CCNB1IP1: variants seen among roughly 807,000 people sequenced by gnomAD.
The protein encoded by CCNB1IP1 is E3 ubiquitin-protein ligase CCNB1IP1.
In CCNB1IP1, 14 loss-of-function variants were observed where a neutral mutation model predicts 25.6. That is an observed-to-expected ratio of 0.55 (90% CI 0.36 to 0.85). CCNB1IP1 has a LOEUF of 0.85. Among genes scored for constraint, CCNB1IP1 ranks in the 40% least tolerant of loss-of-function variants. The pLI is 0.01. For missense variants in CCNB1IP1, 278 were observed against 342.4 expected, an observed-to-expected ratio of 0.81 and a Z score of 1.48; for synonymous variants, 119 against 116.1, an observed-to-expected ratio of 1.02 and a Z score of -0.16.
intron 5 of CCNB1IP1, among the ~76,000 whole-genome samples, chr14:20,314,888 G>C (rs1464638490): frequency 6.6e-6 from 1 of 151,142 alleles, no homozygotes; most frequent in Non-Finnish European, 1.5e-5. Flanking sequence ...TCAGGAGATC[G>C]AGACCATCCT....
intron 2 of CCNB1IP1, among the ~76,000 whole-genome samples, chr14:20,327,894 T>C (rs1388795645): frequency 1.3e-5 from 2 of 152,194 alleles, no homozygotes; most frequent in African/African-American, 4.8e-5. Context: ...TAAAGTTGCA[T>C]GTCCAATAAG....
rs372430614 is a variant in CCNB1IP1 at position 20,313,540 on chromosome 14, T to C, written c.559A>G (p.Thr187Ala). Residue 187 changes from threonine to alanine, a missense_variant, in exon 6 of 7, where the codon ACT (threonine) becomes GCT (alanine). Physicochemically the swap from Thr to Ala is moderately conservative, Grantham distance 58. Transcript: ENST00000358932. ...LYDSLRLRNI[T>A]IANHEGTLEP... ...AGGGTGCCTTCATGGTTAGCAATAG[T>C]GATGTTTCGTAGCCTAAGGCTATCA... 1.4e-3 allele frequency: 2,321 copies of C among 1,614,130 alleles called. 40 individuals carry two copies. In the South Asian group the frequency reaches 0.024, roughly 17 times the overall value.
At chr14:20,320,412 C>T (rs1882853236) in intron 4 of CCNB1IP1, 1 of 443,150 alleles carries the variant, frequency 2.3e-6, no homozygotes, top group African/African-American at 2.0e-5. Context: ...ATTTACCATG[C>T]AAGGGATACA....
intron 4 of CCNB1IP1, among the ~76,000 whole-genome samples, chr14:20,319,433 T>C (rs1882822520): frequency 6.6e-6 from 1 of 152,244 alleles, no homozygotes. Flanking sequence ...TGGTTTTAAC[T>C]ATGCCAAATG....
intron 1 of CCNB1IP1, among the ~76,000 whole-genome samples, chr14:20,332,026 A>ACATATATATATATATT (rs1883262581): frequency 2.5e-5 from 1 of 40,750 alleles, no homozygotes; most frequent in African/African-American, 8.7e-5. Context: ...ATATATATAT[A>ACATATATATATATATT]TTTTTTTTTT....
At chr14:20,331,251 A>T (rs1479248006) in intron 1 of CCNB1IP1, among the ~76,000 whole-genome samples, 1 of 152,208 alleles carries the variant, frequency 6.6e-6, no homozygotes, top group Non-Finnish European at 1.5e-5. Context: ...GCCCCTGTGA[A>T]TACAAAGATG....
intron 4 of CCNB1IP1, chr14:20,320,388 C>T (rs554751805): frequency 2.2e-6 from 1 of 453,532 alleles, no homozygotes; most frequent in Non-Finnish European, 4.4e-6. Context: ...TAGTCTGTAA[C>T]ATTCCTAGGT....
intron 1 of CCNB1IP1, among the ~76,000 whole-genome samples, chr14:20,331,398 C>A (rs1033877512): frequency 5.9e-5 from 9 of 152,158 alleles, no homozygotes; most frequent in African/African-American, 2.2e-4. Flanking sequence ...ATTTTCCTTT[C>A]GGTAGAAAAT....
Position 20,311,545 on chromosome 14 carries a change from G to A in CCNB1IP1, c.*5C>T, listed in dbSNP as rs752291377. On this transcript the variant is annotated 3_prime_UTR_variant, in exon 7 of 7. Transcript: ENST00000358932. ...GGATCACAGGTGCGTGACACTATGCGTGGCTCAAATTCTTTTTACTTTGAA... is the reference window on the plus strand; with the variant it reads ...GGATCACAGGTGCGTGACACTATGCATGGCTCAAATTCTTTTTACTTTGAA... The A allele has an allele frequency of 8.7e-6, 14 of 1,611,246 alleles. No individual in the cohort carries two copies. The highest frequency in any genetic ancestry group is 3.3e-5 in the South Asian group (3 of 90,986).
At chr14:20,317,429 T>G (rs1594276977) in intron 4 of CCNB1IP1, among the ~76,000 whole-genome samples, 1 of 149,782 alleles carries the variant, frequency 6.7e-6, no homozygotes. Context: ...GCCTTGGCCC[T>G]CCAGGTCGAT....
intron 5 of CCNB1IP1, among the ~76,000 whole-genome samples, chr14:20,315,136 C>CAAAA (rs1159450735): frequency 1.1e-4 from 1 of 9,068 alleles, no homozygotes; most frequent in African/African-American, 4.2e-4. Context: ...TACACCTCAC[C>CAAAA]AAAAAAAAAA....
intron 4 of CCNB1IP1, chr14:20,318,139 C>T (rs1882775966): frequency 6.6e-6 from 1 of 152,214 alleles, no homozygotes; most frequent in African/African-American, 2.4e-5. Context: ...TATAATTTTC[C>T]TTGAGTCTGC....
At chr14:20,321,436 C>T (rs1343249615) in intron 4 of CCNB1IP1, among the ~76,000 whole-genome samples, 1 of 150,020 alleles carries the variant, frequency 6.7e-6, no homozygotes, top group Non-Finnish European at 1.5e-5. Flanking sequence ...TGTATATTAT[C>T]GATGAAGCAA....
At chr14:20,319,620 A>C (rs6575132) in intron 4 of CCNB1IP1, among the ~76,000 whole-genome samples, 86,932 of 152,088 alleles carry the variant, frequency 0.57, 25,983 homozygotes, top group African/African-American at 0.76. Flanking sequence ...CATTTTAACA[A>C]CATGTACTGC....
intron 5 of CCNB1IP1, chr14:20,315,769 A>C: frequency 8.0e-7 from 1 of 1,249,712 alleles, no homozygotes; most frequent in Non-Finnish European, 1.0e-6. Context: ...ATATTTAACA[A>C]GATATTCATA....
rs1175574206 is a variant in CCNB1IP1 at position 20,311,657 on chromosome 14, G to C, written c.727C>G (p.Pro243Ala). Residue 243 changes from proline (P) to alanine (A), a missense_variant, in exon 7 of 7, where the codon CCC becomes GCC. Physicochemically the swap from Pro to Ala is conservative, Grantham distance 27. Coordinates refer to ENST00000358932, the MANE Select transcript of CCNB1IP1 (RefSeq NM_021178.5). The stretch of plus-strand genomic sequence containing the variant: ...CTGTTGCTGGGTTCAGGTGCTGTGG[G>C]AGAACCCGCAAAAAATGGTCTGAAC... Reference protein sequence around the residue: ...FQFRPFFAGSPTAPEPSNSFF... With the variant: ...FQFRPFFAGSATAPEPSNSFF... 1.9e-6 allele frequency: 3 copies of C among 1,613,964 alleles called. No homozygotes were observed. Among genetic ancestry groups the C allele is most frequent in the Non-Finnish European group, 2.5e-6 (3 of 1,179,974 alleles).
At position 20,311,661 on chromosome 14, in the gene CCNB1IP1, A is replaced by C; in HGVS notation, c.723T>G (p.Gly241=). The part of the protein sequence containing the change: ...GDFQFRPFFA[G]SPTAPEPSNS... ...TGCTGGGTTCAGGTGCTGTGGGAGAACCCGCAAAAAATGGTCTGAACTGAA... is the reference window on the plus strand; with the variant it reads ...TGCTGGGTTCAGGTGCTGTGGGAGACCCCGCAAAAAATGGTCTGAACTGAA... Residue 241 remains glycine (G), a synonymous_variant, in exon 7 of 7, where the codon GGT becomes GGG. Transcript: ENST00000358932. 6.2e-7 allele frequency: 1 copy of C among 1,614,108 alleles called. No homozygotes were observed. The highest frequency in any genetic ancestry group is 2.2e-5 in the East Asian group (1 of 44,876).
intron 5 of CCNB1IP1, chr14:20,315,640 G>A (rs1882666449): frequency 7.8e-7 from 1 of 1,283,976 alleles, no homozygotes; most frequent in Non-Finnish European, 1.0e-6. Context: ...AATCATAAAG[G>A]GAAAAAGTTA....
At chr14:20,325,144 G>A (rs72671261) in intron 4 of CCNB1IP1, among the ~76,000 whole-genome samples, 17,938 of 150,768 alleles carry the variant, frequency 0.12, 1,175 homozygotes, top group East Asian at 0.16. Flanking sequence ...AAATTTAGCC[G>A]GGCGCGGTGG....
Sources: gnomAD v4.1 joint callset for allele counts (sites outside exome capture counted in the v4.1 genomes callset) on GRCh38, gnomAD v4.1.1 for gene constraint, MANE v1.5 for transcripts, NCBI Gene and HGNC (gene_info 2026-07-23, HGNC 2026-07-21) for gene names.